COL19A1: variants seen among roughly 807,000 people sequenced by gnomAD.
The protein encoded by COL19A1 is collagen type XIX alpha 1 chain, also known as collagen alpha-1(XIX) chain.
Under a neutral mutation model 190.2 loss-of-function variants are expected in COL19A1, and 159 were observed. The ratio of observed to expected loss-of-function variants is 0.84; its 90% CI spans 0.73 to 0.95. COL19A1 has a LOEUF of 0.95. Among genes scored for constraint, COL19A1 ranks in the 40% least tolerant of loss-of-function variants. The probability of loss-of-function intolerance (pLI) is 0.00; values close to 1 mark genes in which losing one functional copy is unlikely to be tolerated. For missense variants in COL19A1, 1,418 were observed against 1,431.9 expected (o/e 0.99, Z 0.16); for synonymous variants, 509 against 458.9 (o/e 1.11, Z -1.39).
At chr6:70,005,625 T>C (rs1160515642) in intron 11 of COL19A1, among the ~76,000 whole-genome samples, 1 of 152,170 alleles carries the variant, frequency 6.6e-6, no homozygotes, top group East Asian at 1.9e-4. Context: ...TAGGAGGGTC[T>C]CACCCAGTTG....
chr6:69,938,140 T>C, intron 9 of COL19A1, 40 bp downstream of exon 9: 1 of 1,576,594 alleles, frequency 6.3e-7, no homozygotes, highest in Non-Finnish European at 8.7e-7. Context: ...AACAGGGTTT[T>C]GTTAAAAAAT....
intron 4 of COL19A1, among the ~76,000 whole-genome samples, chr6:69,918,262 C>A (rs1243778315): frequency 6.6e-6 from 1 of 152,126 alleles, no homozygotes; most frequent in African/African-American, 2.4e-5. Context: ...ATGTGCAGGC[C>A]AGACTGTAAG....
chr6:69,900,175 A>G (rs1770079572), intron 3 of COL19A1, 64 bp from the exon 4 acceptor site: 2 of 1,106,338 alleles, frequency 1.8e-6, no homozygotes, highest in Non-Finnish European at 2.5e-6. Context: ...GCAACACAAA[A>G]TTCTGTTTAG....
At chr6:69,994,099 C>T (rs918404749) in intron 11 of COL19A1, among the ~76,000 whole-genome samples, 2 of 151,916 alleles carry the variant, frequency 1.3e-5, no homozygotes, top group African/African-American at 4.8e-5. Context: ...TAGCACTATA[C>T]ATTTTCCCCT....
chr6:70,160,533 T>A (rs1787734092), intron 34 of COL19A1, among the ~76,000 whole-genome samples: 1 of 152,144 alleles, frequency 6.6e-6, no homozygotes, highest in Non-Finnish European at 1.5e-5. Context: ...CCCAAGCAAA[T>A]TCATTTGGCA....
chr6:70,189,492 T>C (rs1007024980), intron 47 of COL19A1, among the ~76,000 whole-genome samples: 3 of 152,218 alleles, frequency 2.0e-5, no homozygotes, highest in Non-Finnish European at 4.4e-5. Flanking sequence ...TCATATTGTC[T>C]TTAATGCCAC....
intron 48 of COL19A1, among the ~76,000 whole-genome samples, chr6:70,198,854 A>C (rs1767372346): frequency 6.6e-6 from 1 of 152,190 alleles, no homozygotes; most frequent in Non-Finnish European, 1.5e-5. Context: ...ATGAAGTTGC[A>C]GTCAGGATGT....
At chr6:70,099,039 T>C (rs1783462504) in intron 15 of COL19A1, among the ~76,000 whole-genome samples, 5 of 104,518 alleles carry the variant, frequency 4.8e-5, no homozygotes, top group Admixed American at 2.8e-4. Context: ...CTGGGCAACA[T>C]AGTGAGACCC....
intron 11 of COL19A1, among the ~76,000 whole-genome samples, chr6:69,996,669 C>T (rs143958881): frequency 3.3e-5 from 5 of 151,918 alleles, no homozygotes; most frequent in African/African-American, 9.7e-5. Flanking sequence ...CCTTAGCTTA[C>T]TGATTCTTAA....
intron 9 of COL19A1, 83 bp from the exon 10 acceptor site, chr6:69,959,913 G>A (rs760971336): frequency 8.1e-7 from 1 of 1,235,940 alleles, no homozygotes. Context: ...CACAACACTA[G>A]AGCTATTTGT....
chr6:70,059,293 T>A (rs1259622034), intron 14 of COL19A1, among the ~76,000 whole-genome samples: 1 of 152,136 alleles, frequency 6.6e-6, no homozygotes, highest in Non-Finnish European at 1.5e-5. Flanking sequence ...AAAATGAAAC[T>A]TCCCTTTTTC....
chr6:69,886,874 G>A (rs1768980978), intron 2 of COL19A1, among the ~76,000 whole-genome samples: 3 of 152,146 alleles, frequency 2.0e-5, no homozygotes, highest in Admixed American at 1.3e-4. Context: ...CCATTTTTGT[G>A]TAATGAATCC....
Position 70,052,865 on chromosome 6 carries a change from A to AT in COL19A1, c.1171-15555dup, listed in dbSNP as rs2150133974. ...CTTGCTTTAAGAGCTCAGCTCCACC[A>AT]TTTATTTACCATGTTATCTTTAGAG... is the stretch of plus-strand genomic sequence containing the variant. On this transcript the variant is annotated intron_variant, in intron 14 of 50. Coordinates refer to ENST00000620364, the MANE Select transcript of COL19A1 (RefSeq NM_001858.6). Among the ~76,000 whole-genome samples, 3 of 152,300 alleles carry AT rather than the reference A, an allele frequency of 2.0e-5. No homozygotes were observed. The South Asian group carries it at 6.2e-4, about 32-fold the overall frequency.
chr6:69,973,041 G>T (rs1211409407), intron 11 of COL19A1, among the ~76,000 whole-genome samples: 3 of 152,114 alleles, frequency 2.0e-5, no homozygotes, highest in African/African-American at 7.2e-5. Flanking sequence ...AAAGTTTGGG[G>T]TCACATAAGA....
At chr6:70,041,142 C>T (rs1401311538) in intron 14 of COL19A1, among the ~76,000 whole-genome samples, 1 of 152,188 alleles carries the variant, frequency 6.6e-6, no homozygotes, top group East Asian at 1.9e-4. Flanking sequence ...AACCCACCTT[C>T]ATGTATCTCT....
intron 6 of COL19A1, among the ~76,000 whole-genome samples, chr6:69,930,064 T>C (rs1772654646): frequency 6.6e-6 from 1 of 152,206 alleles, no homozygotes; most frequent in Admixed American, 6.5e-5. Context: ...AAGTTCAAAT[T>C]AAATGGTTCC....
intron 14 of COL19A1, among the ~76,000 whole-genome samples, chr6:70,041,110 A>C (rs1779614472): frequency 6.6e-6 from 1 of 152,202 alleles, no homozygotes; most frequent in East Asian, 1.9e-4. Context: ...AGAAAGACTA[A>C]AAATCCATGG....
intron 15 of COL19A1, among the ~76,000 whole-genome samples, chr6:70,086,657 C>T (rs1007148454): frequency 6.6e-6 from 1 of 152,028 alleles, no homozygotes; most frequent in African/African-American, 2.4e-5. Flanking sequence ...TTATCTACAG[C>T]AAAAACAAAA....
intron 2 of COL19A1, chr6:69,889,935 C>T (rs1256837846): frequency 6.6e-6 from 1 of 152,216 alleles, no homozygotes; most frequent in Non-Finnish European, 1.5e-5. Context: ...CGCTGCTGCT[C>T]ACTCTTTGGG....
Sources: gnomAD v4.1 joint callset for allele counts (sites outside exome capture counted in the v4.1 genomes callset) on GRCh38, gnomAD v4.1.1 for gene constraint, MANE v1.5 for transcripts, NCBI Gene and HGNC (gene_info 2026-07-23, HGNC 2026-07-21) for gene names.